The following FBRSL1 variants were observed in gnomAD, a reference collection of about 807,000 sequenced individuals.
FBRSL1 encodes the protein fibrosin-1-like protein.
In FBRSL1, 51 loss-of-function variants were observed where a neutral mutation model predicts 89.6. The ratio of observed to expected loss-of-function variants is 0.57; its 90% CI spans 0.45 to 0.72. The LOEUF is 0.72. Among genes scored for constraint, FBRSL1 ranks in the 30% least tolerant of loss-of-function variants. The pLI is 0.00. For missense variants in FBRSL1, 1,618 were observed against 1,451.8 expected (o/e 1.11, Z -1.86); for synonymous variants, 779 against 681.1 (o/e 1.14, Z -2.24).
rs182183537 is a variant in FBRSL1, at chr12:132,572,694, C to T, written c.1530+72C>T. 189 of 1,084,322 alleles carry T rather than the reference C, an allele frequency of 1.7e-4. 1 individual carries two copies. In the African/African-American group the frequency reaches 2.4e-3, roughly 14 times the overall value. 67.2% of individuals were successfully genotyped at this position (1,084,322 alleles called of 1,614,324 possible). A position where few individuals can be genotyped will look rare whatever the true frequency, so the allele number is the denominator to read the frequency against. The stretch of plus-strand genomic sequence containing the variant: ...TTTTGGGGGGAGTGCATGACAACCT[C>T]GCCAAACTCTCTGCCCACAACCACC... On this transcript the variant is annotated intron_variant, in intron 11 of 18. Coordinates refer to ENST00000680143, the MANE Select transcript of FBRSL1 (RefSeq NM_001367871.1).
At chr12:132,541,060 G>A (rs1044785685) in intron 4 of FBRSL1, among the ~76,000 whole-genome samples, 21 of 149,412 alleles carry the variant, frequency 1.4e-4, no homozygotes, top group African/African-American at 2.5e-4. Context: ...CCCCTACCCC[G>A]AGGCACGTCA....
chr12:132,507,976 C>T (rs976110197), intron 1 of FBRSL1, among the ~76,000 whole-genome samples, 177 bp from the exon 2 acceptor site: 1 of 152,176 alleles, frequency 6.6e-6, no homozygotes, highest in Non-Finnish European at 1.5e-5. Flanking sequence ...CAGCATCTCA[C>T]CTGCCATCGT....
chr12:132,520,956 G>T (rs1042244737), intron 2 of FBRSL1, among the ~76,000 whole-genome samples: 1 of 152,234 alleles, frequency 6.6e-6, no homozygotes, highest in Admixed American at 6.5e-5. Flanking sequence ...ACTGTGGGAG[G>T]TGGGGAAATG....
At position 132,534,948 on chromosome 12, in the gene FBRSL1, C is replaced by T. The variant is rs2036587228; in HGVS notation, c.615+6960C>T. Among the ~76,000 whole-genome samples, 5 of 152,222 alleles carry T rather than the reference C, an allele frequency of 3.3e-5. No homozygotes were observed. In the South Asian group the frequency reaches 1.0e-3, roughly 31 times the overall value. ...CTGCAGCGCTCCCAGGTATGGGGGC[C>T]ACAGCCATCCACCAGGCAGGACAGC... On this transcript the variant is annotated intron_variant, in intron 4 of 18. Transcript: ENST00000680143.
At chr12:132,571,391 CT>C in intron 9 of FBRSL1, 160 bp downstream of exon 9, 1 of 1,551,006 alleles carries the variant, frequency 6.4e-7, no homozygotes, top group Non-Finnish European at 8.7e-7. Flanking sequence ...GGCCCGGGGG[CT>C]CTGCTGCGGG....
In FBRSL1 at chr12:132,508,325, A is replaced by G. The variant is rs1593275001; in HGVS notation, c.464A>G (p.Lys155Arg). 1 of 1,541,084 alleles carries G rather than the reference A, an allele frequency of 6.5e-7. No homozygotes were observed. Among genetic ancestry groups the G allele is most frequent in the Admixed American group, 2.0e-5 (1 of 49,956 alleles). ...DLEPACDGAR[K>R]VPLQPSKQMK... The stretch of plus-strand genomic sequence containing the variant: ...GAACCCGCCTGCGATGGGGCGAGAA[A>G]GGTCCCACTGCAGCCCTCCAAGCAG... The change falls in exon 2 of 19, where the codon AAG (lysine) becomes AGG (arginine). Residue 155 changes from lysine (K) to arginine (R), a missense_variant. Physicochemically the swap from Lys to Arg is conservative, Grantham distance 26 (BLOSUM62 2). Coordinates refer to ENST00000680143, the MANE Select transcript of FBRSL1 (RefSeq NM_001367871.1).
intron 1 of FBRSL1, among the ~76,000 whole-genome samples, chr12:132,496,117 C>T (rs941628251): frequency 1.3e-5 from 2 of 152,250 alleles, no homozygotes; most frequent in African/African-American, 2.4e-5. Context: ...CGCACCTTCG[C>T]GTTTGGGGCC....
chr12:132,492,356 A>G (rs533430321), intron 1 of FBRSL1, among the ~76,000 whole-genome samples: 3 of 151,838 alleles, frequency 2.0e-5, no homozygotes, highest in African/African-American at 7.3e-5. Flanking sequence ...GACGTTGCCC[A>G]CCTTCTTTTT....
chr12:132,571,708 A>G (rs1278882588), intron 9 of FBRSL1, among the ~76,000 whole-genome samples: 1 of 152,062 alleles, frequency 6.6e-6, no homozygotes, highest in Non-Finnish European at 1.5e-5. Context: ...AAGCTGTGCC[A>G]TGAGGCCCCC....
intron 5 of FBRSL1, chr12:132,559,969 G>A (rs1292651100): frequency 6.8e-6 from 1 of 147,542 alleles, no homozygotes; most frequent in Non-Finnish European, 1.5e-5. Context: ...CGCGCGCCCA[G>A]CTCCGCGCCC....
At chr12:132,577,070 T>G (rs1381505653) in intron 15 of FBRSL1, 139 bp downstream of exon 15, 1 of 1,233,650 alleles carries the variant, frequency 8.1e-7, no homozygotes, top group Non-Finnish European at 1.1e-6. Context: ...CACCACTTAT[T>G]CAGGTCAAAG....
chr12:132,527,887 G>C, intron 3 of FBRSL1, 66 bp from the exon 4 acceptor site: 2 of 1,471,020 alleles, frequency 1.4e-6, no homozygotes, highest in East Asian at 2.5e-5. Context: ...GGCAGCTGTC[G>C]GGTGCATCCC....
intron 5 of FBRSL1, chr12:132,565,825 T>C (rs6560884): frequency 0.88 from 134,461 of 152,332 alleles, 59,604 homozygotes; most frequent in East Asian, 0.99. Context: ...CCAATCACAG[T>C]AGGTCCGTGC....
At position 132,499,451 on chromosome 12, in the gene FBRSL1, C is replaced by G. The variant is rs1479362836; in HGVS notation, c.291+8590C>G. 6.6e-6 allele frequency among the ~76,000 whole-genome samples: 1 copy of G among 152,206 alleles called. No homozygotes were observed. Among genetic ancestry groups the G allele is most frequent in the Non-Finnish European group, 1.5e-5 (1 of 68,028 alleles). Reference sequence around the variant, plus strand: ...TATTGAGCACCGGCTGTGTGCCAGGCCCTGGGCCGGCCCCCAAGATACACC... The same window carrying G: ...TATTGAGCACCGGCTGTGTGCCAGGGCCTGGGCCGGCCCCCAAGATACACC... On this transcript the variant is annotated intron_variant, in intron 1 of 18. Transcript: ENST00000680143. This position sits in a 1 kb window ranked among gnomAD's most constrained non-coding sequence, Gnocchi z 4.3.
At chr12:132,509,836 C>A (rs1028293597) in intron 2 of FBRSL1, 1 of 1,231,782 alleles carries the variant, frequency 8.1e-7, no homozygotes, top group Non-Finnish European at 1.0e-6. Context: ...TACCAGCCCC[C>A]GCGGCCACTC....
At chr12:132,509,380 T>C (rs1023857086) in intron 2 of FBRSL1, 25 of 1,241,976 alleles carry the variant, frequency 2.0e-5, no homozygotes, top group Admixed American at 4.2e-5. Context: ...CTTCTGGGCC[T>C]GAAACAGCCC....
chr12:132,536,739 GGT>G (rs955536899), intron 4 of FBRSL1, among the ~76,000 whole-genome samples: 1 of 151,748 alleles, frequency 6.6e-6, no homozygotes, highest in Non-Finnish European at 1.5e-5. Flanking sequence ...TGTACATGAA[GGT>G]GTGTGTGCCA....
rs1193790019 is a variant in FBRSL1, at chr12:132,490,366, G to A, written c.-205G>A. 3.0e-5 allele frequency: 5 copies of A among 169,076 alleles called. No homozygotes were observed. Among genetic ancestry groups the A allele is most frequent in the Admixed American group, 1.4e-4 (2 of 14,606 alleles). The allele number at this position is 169,076 out of a possible 1,614,324, so 10.5% of individuals were successfully genotyped here. On this transcript the variant is annotated 5_prime_UTR_variant, in exon 1 of 19. Transcript: ENST00000680143. ...CGATGCGCCCAGCCGCCCGCGCCGG[G>A]GGTCCCAGGCCGCGCCGGGCCCGGG...
rs529657111 is a variant in FBRSL1, at chr12:132,512,756, C to G, written c.489+4406C>G. Reference sequence around the variant, plus strand: ...AGCTGAGCAGTGGCACTTGGCTGCCCCTTAATGGGGAAGGCCAGGCTGCCA... The same window carrying G: ...AGCTGAGCAGTGGCACTTGGCTGCCGCTTAATGGGGAAGGCCAGGCTGCCA... On this transcript the variant is annotated intron_variant, in intron 2 of 18. Coordinates refer to ENST00000680143, the MANE Select transcript of FBRSL1 (RefSeq NM_001367871.1). 4.2e-3 allele frequency among the ~76,000 whole-genome samples: 633 copies of G among 152,312 alleles called. 2 individuals carry two copies. Among genetic ancestry groups the G allele is most frequent in the African/African-American group, 0.015 (613 of 41,562 alleles).
Sources: allele counts gnomAD v4.1 joint callset (sites outside exome capture counted in the v4.1 genomes callset), GRCh38; gene constraint gnomAD v4.1.1; non-coding constraint Gnocchi (gnomAD v3.1); transcripts MANE v1.5; gene names NCBI Gene and HGNC (gene_info 2026-07-23, HGNC 2026-07-21).